Variants in ATXN2L observed in about 807,000 individuals in gnomAD.
ATXN2L encodes the protein ataxin 2 like.
ATXN2L carries 24 observed loss-of-function variants against 120.7 expected under a neutral mutation model. The ratio of observed to expected loss-of-function variants is 0.20; its 90% CI spans 0.14 to 0.28. The LOEUF is 0.28. Ranked by LOEUF, ATXN2L falls within the 10% of genes least tolerant of loss-of-function variation. ATXN2L has a pLI of 1.00. For missense variants in ATXN2L, 1,312 were observed against 1,432.3 expected, an observed-to-expected ratio of 0.92 and a Z score of 1.36; for synonymous variants, 653 against 568.1, an observed-to-expected ratio of 1.15 and a Z score of -2.13.
At position 28,829,477 on chromosome 16, in the gene ATXN2L, G is replaced by C. The variant is rs896824143; in HGVS notation, c.818G>C (p.Ser273Thr). Residue 273 changes from serine (S) to threonine (T), a missense_variant, in exon 7 of 22, where the codon AGT becomes ACT. Transcript: ENST00000336783. ...NYGVKTTYDSSLSSYTVPLEK... is the reference protein window; with the variant it reads ...NYGVKTTYDSTLSSYTVPLEK... The stretch of plus-strand genomic sequence containing the variant: ...GGTGTGAAGACTACCTATGATAGCA[G>C]TCTTTCTTCTTATACGTGAGTATCT... 3 of 1,607,860 alleles carry C rather than the reference G, an allele frequency of 1.9e-6. No homozygotes were observed. The highest frequency in any genetic ancestry group is 2.6e-6 in the Non-Finnish European group (3 of 1,174,334).
In ATXN2L at chr16:28,829,880, T is replaced by G. The variant is rs1207729732; in HGVS notation, c.856T>G (p.Ser286Ala). 6.2e-7 allele frequency: 1 copy of G among 1,614,106 alleles called. No homozygotes were observed. Among genetic ancestry groups the G allele is most frequent in the Non-Finnish European group, 8.5e-7 (1 of 1,180,054 alleles). Reference protein sequence around the residue: ...SYTVPLEKDNSEEFRQRELRA... With the variant: ...SYTVPLEKDNAEEFRQRELRA... Reference sequence around the variant, plus strand: ...CAGGGTGCCCTTAGAAAAGGACAACTCAGAAGAGTTTCGTCAGCGAGAGCT... The same window carrying G: ...CAGGGTGCCCTTAGAAAAGGACAACGCAGAAGAGTTTCGTCAGCGAGAGCT... The change falls in exon 8 of 22, where the codon TCA becomes GCA. Residue 286 changes from serine (S) to alanine (A), a missense_variant. Physicochemically the swap from Ser to Ala is moderately conservative, Grantham distance 99 (BLOSUM62 1). Transcript: ENST00000336783.
chr16:28,826,342 G>A lies in ATXN2L; in HGVS notation c.568G>A (p.Val190Ile). Residue 190 changes from valine to isoleucine, a missense_variant, in exon 5 of 22, where the codon GTC (valine) becomes ATC (isoleucine). Val to Ile is a conservative substitution (Grantham distance 29). Coordinates refer to ENST00000336783, the MANE Select transcript of ATXN2L (RefSeq NM_007245.4). ...CACCATGGTGTTTAAGCCAAGTGAT[G>A]TCATGCTTGTTCACTTCCGAAATGT... ...VDTMVFKPSD[V>I]MLVHFRNVDF... The A allele has an allele frequency of 6.2e-7, 1 of 1,614,184 alleles. No individual in the cohort carries two copies.
intron 10 of ATXN2L, among the ~76,000 whole-genome samples, chr16:28,831,789 T>TG (rs945569411): frequency 6.6e-6 from 1 of 151,950 alleles, no homozygotes; most frequent in Admixed American, 6.6e-5. Context: ...GAGGCTGAGG[T>TG]GGGGGGAATC....
At position 28,833,445 on chromosome 16, in the gene ATXN2L, A is replaced by G. The variant is rs1355499318; in HGVS notation, c.1962A>G (p.Val654=). ...ACTGTACTTTCTCTCACAGACAAGT[A>G]AAGAAATCAACGTTGAACCCTAATG... ...DKDEGPVAEQ[V]KKSTLNPNAK... is the part of the protein sequence containing the mutation. Residue 654 remains valine (V), a synonymous_variant, in exon 15 of 22, where the codon GTA becomes GTG. Coordinates refer to ENST00000336783, the MANE Select transcript of ATXN2L (RefSeq NM_007245.4). 1 of 1,614,246 alleles carries G rather than the reference A, an allele frequency of 6.2e-7. No homozygotes were observed. Among genetic ancestry groups the G allele is most frequent in the African/African-American group, 1.3e-5 (1 of 75,064 alleles).
chr16:28,823,470 CG>C lies in ATXN2L; in HGVS notation c.215del (p.Gly72GlufsTer66). ...PVAAAGSGLR[R>X]GAEGILAPQP... ...GGCCGCTGCCGGGAGCGGGCTCCGC[CG>C]GGGAGCCGAAGGCATCTTGGCGCCG... On this transcript the variant is annotated frameshift_variant, in exon 1 of 22. Transcript: ENST00000336783. LOFTEE classifies it high-confidence loss of function. The C allele has an allele frequency of 7.4e-7, 1 of 1,351,242 alleles. No individual in the cohort carries two copies. The highest frequency in any genetic ancestry group is 1.8e-5 in the South Asian group (1 of 55,098). The allele number at this position is 1,351,242 out of a possible 1,614,324, so 83.7% of individuals were successfully genotyped here.
Position 28,823,373 on chromosome 16 carries a change from C to T in ATXN2L, c.114C>T (p.Leu38=), listed in dbSNP as rs762997658. The T allele has an allele frequency of 1.6e-5, 21 of 1,344,742 alleles. No homozygotes were observed. The African/African-American group carries it at 3.0e-4, about 19-fold the overall frequency. The allele number at this position is 1,344,742 out of a possible 1,614,324, so 83.3% of individuals were successfully genotyped here. Residue 38 remains leucine, a synonymous_variant, in exon 1 of 22, where the codon CTC becomes CTT. Transcript: ENST00000336783. ...PGGTSPPNGG[L]PGPLATSAAP... The stretch of plus-strand genomic sequence containing the variant: ...GCACCAGCCCTCCCAACGGCGGCCT[C>T]CCGGGGCCGCTGGCCACCTCTGCGG...
chr16:28,831,028 G>A lies in ATXN2L; in HGVS notation c.1277G>A (p.Ser426Asn), dbSNP rs774529844. Reference protein sequence around the residue: ...LRGAKTLSSPSNRPSGETSVP... With the variant: ...LRGAKTLSSPNNRPSGETSVP... ...GGTGCCAAGACTCTGTCTTCGCCCA[G>A]TAATAGGCCTTCTGGAGAAACTTCT... Residue 426 changes from serine to asparagine, a missense_variant, in exon 10 of 22, where the codon AGT becomes AAT. Physicochemically the swap from Ser to Asn is conservative, Grantham distance 46 (BLOSUM62 1). Coordinates refer to ENST00000336783, the MANE Select transcript of ATXN2L (RefSeq NM_007245.4). The A allele has an allele frequency of 1.2e-6, 2 of 1,611,780 alleles. No homozygotes were observed. The highest frequency in any genetic ancestry group is 1.7e-5 in the Admixed American group (1 of 59,580).
rs771535720 is a variant in ATXN2L, at chr16:28,832,186, G to A, written c.1322-19G>A. 1.2e-6 allele frequency: 2 copies of A among 1,613,882 alleles called. No homozygotes were observed. Among genetic ancestry groups the A allele is most frequent in the East Asian group, 4.5e-5 (2 of 44,874 alleles). Reference sequence around the variant, plus strand: ...GTTGACCAGCAGTAACCATCCTACAGCTCCCCCTTTTCTTCCAGTGGGCCG... The same window carrying A: ...GTTGACCAGCAGTAACCATCCTACAACTCCCCCTTTTCTTCCAGTGGGCCG... On this transcript the variant is annotated intron_variant, in intron 10 of 21. Coordinates refer to ENST00000336783, the MANE Select transcript of ATXN2L (RefSeq NM_007245.4).
In ATXN2L at chr16:28,834,108, A is replaced by G; in HGVS notation, c.2069A>G (p.His690Arg). The change falls in exon 16 of 22, where the codon CAT becomes CGT. Residue 690 changes from histidine (H) to arginine (R), a missense_variant. By Grantham distance (29) the His-to-Arg change is conservative. Coordinates refer to ENST00000336783, the MANE Select transcript of ATXN2L (RefSeq NM_007245.4). ...CCAACTTCTCCGGGGCCCCGGACTC[A>G]TTCAACTCCCTCCATCCCGGTGCTG... ...STPTSPGPRT[H>R]STPSIPVLTA... 2 of 1,614,180 alleles carry G rather than the reference A, an allele frequency of 1.2e-6. No individual in the cohort carries two copies. The highest frequency in any genetic ancestry group is 8.5e-7 in the Non-Finnish European group (1 of 1,180,026).
chr16:28,829,769 T>G (rs2053669654), intron 7 of ATXN2L, 89 bp from the exon 8 acceptor site: 15 of 1,368,472 alleles, frequency 1.1e-5, no homozygotes, highest in Non-Finnish European at 1.6e-5. Flanking sequence ...ATGCCTGAAC[T>G]GGTGATTGGA....
At position 28,836,435 on chromosome 16, in the gene ATXN2L, C is replaced by T; in HGVS notation, c.*170C>T. 2.5e-6 allele frequency: 4 copies of T among 1,613,460 alleles called. No homozygotes were observed. The highest frequency in any genetic ancestry group is 3.4e-6 in the Non-Finnish European group (4 of 1,179,948). Reference sequence around the variant, plus strand: ...GTTGTGATCCAGCAGCCCCCCTCCCCACTGCCTCCCCAGCTCTCAGTGACC... The same window carrying T: ...GTTGTGATCCAGCAGCCCCCCTCCCTACTGCCTCCCCAGCTCTCAGTGACC... On this transcript the variant is annotated 3_prime_UTR_variant, in exon 22 of 22. Transcript: ENST00000336783.
In ATXN2L at chr16:28,833,426, CT is replaced by C. The variant is rs1567428013; in HGVS notation, c.1956-10del. 3 of 1,614,028 alleles carry C rather than the reference CT, an allele frequency of 1.9e-6. No individual in the cohort carries two copies. The highest frequency in any genetic ancestry group is 1.7e-5 in the Admixed American group (1 of 60,002). On this transcript the variant is annotated splice_polypyrimidine_tract_variant and intron_variant, in intron 14 of 21. Coordinates refer to ENST00000336783, the MANE Select transcript of ATXN2L (RefSeq NM_007245.4). ...GAGCAAGCCGTGAAGATTTACTGTA[CT>C]TTCTCTCACAGACAAGTAAAGAAAT...
chr16:28,824,527 T>C, intron 1 of ATXN2L: 1 of 1,287,918 alleles, frequency 7.8e-7, no homozygotes. Context: ...ACCTGGCGAT[T>C]GGTGATCCCC....
At chr16:28,834,245 C>T (rs775124455) in intron 16 of ATXN2L, 34 bp downstream of exon 16, 43 of 1,610,370 alleles carry the variant, frequency 2.7e-5, no homozygotes, top group Middle Eastern at 1.6e-4. Context: ...CCAGGGTTAG[C>T]GGGGTGGGAT....
At position 28,836,988 on chromosome 16, in the gene ATXN2L, G is replaced by C. The variant is rs776364981; in HGVS notation, c.*723G>C. On this transcript the variant is annotated 3_prime_UTR_variant, in exon 22 of 22. Transcript: ENST00000336783. ...GGTGGGGGGTTCCTGCTCTGCCCCT[G>C]CCCGTCCCCACCCAGTCTTGCCCTC... 2 of 664,460 alleles carry C rather than the reference G, an allele frequency of 3.0e-6. No individual in the cohort carries two copies. The highest frequency in any genetic ancestry group is 3.6e-5 in the African/African-American group (2 of 55,956). 41.2% of individuals were successfully genotyped at this position (664,460 alleles called of 1,614,324 possible).
In ATXN2L at chr16:28,836,714, T is replaced by C. The variant is rs1961064415; in HGVS notation, c.*449T>C. On this transcript the variant is annotated 3_prime_UTR_variant, in exon 22 of 22. Transcript: ENST00000336783. Reference sequence around the variant, plus strand: ...TCTAATGCTCCTGCTCTCTTCTCTTTCCCCTCCAACCAGTTCAATCTCATC... The same window carrying C: ...TCTAATGCTCCTGCTCTCTTCTCTTCCCCCTCCAACCAGTTCAATCTCATC... The C allele has an allele frequency of 6.2e-7, 1 of 1,613,616 alleles. No homozygotes were observed. The highest frequency in any genetic ancestry group is 1.7e-5 in the Admixed American group (1 of 59,954).
chr16:28,827,066 G>T, intron 6 of ATXN2L, 80 bp downstream of exon 6: 1 of 1,305,756 alleles, frequency 7.7e-7, no homozygotes, highest in Non-Finnish European at 1.0e-6. Flanking sequence ...TGAGTGGGGA[G>T]GGAAATATTT....
At chr16:28,833,038 G>T in intron 13 of ATXN2L, 21 bp from the exon 14 acceptor site, 1 of 1,611,504 alleles carries the variant, frequency 6.2e-7, no homozygotes, top group Non-Finnish European at 8.5e-7. Flanking sequence ...AGACTGGACT[G>T]TGTGTGTTTC....
intron 6 of ATXN2L, among the ~76,000 whole-genome samples, chr16:28,827,707 C>G (rs1261044400): frequency 6.6e-6 from 1 of 152,166 alleles, no homozygotes; most frequent in African/African-American, 2.4e-5. Context: ...TGCCACTGGA[C>G]TCCAGTCTGA....
Sources: gnomAD v4.1 joint callset for allele counts (sites outside exome capture counted in the v4.1 genomes callset) on GRCh38, gnomAD v4.1.1 for gene constraint, MANE v1.5 for transcripts, NCBI Gene and HGNC (gene_info 2026-07-23, HGNC 2026-07-21) for gene names.